The following PLXDC2 variants were observed in gnomAD, a reference collection of about 807,000 sequenced individuals.
PLXDC2 encodes the protein plexin domain containing 2, also known as plexin domain-containing protein 2.
A neutral mutation model predicts 68.9 loss-of-function variants in PLXDC2; 40 were observed. That is an observed-to-expected ratio of 0.58 (90% CI 0.45 to 0.76). The LOEUF (loss-of-function observed/expected upper bound fraction) is 0.76, where lower values mean the gene tolerates loss of function less well. Ranked by LOEUF, PLXDC2 falls within the 30% of genes least tolerant of loss-of-function variation. The pLI is 0.00. For missense variants in PLXDC2, 644 were observed against 661.9 expected (o/e 0.97, Z 0.30); for synonymous variants, 243 against 234.2 (o/e 1.04, Z -0.34).
At chr10:19,938,472 G>C (rs1833764481) in intron 1 of PLXDC2, among the ~76,000 whole-genome samples, 1 of 152,148 alleles carries the variant, frequency 6.6e-6, no homozygotes, top group Non-Finnish European at 1.5e-5. Flanking sequence ...AGTGGGAGCA[G>C]ACATCTTACA....
intron 13 of PLXDC2, among the ~76,000 whole-genome samples, chr10:20,249,701 G>T (rs1259737930): frequency 1.3e-5 from 2 of 152,148 alleles, no homozygotes; most frequent in Non-Finnish European, 2.9e-5. Context: ...TTTTTACCGT[G>T]TAAGGTAACA....
intron 1 of PLXDC2, among the ~76,000 whole-genome samples, chr10:19,940,859 G>A (rs908431166): frequency 1.7e-4 from 26 of 152,150 alleles, no homozygotes; most frequent in African/African-American, 6.3e-4. Context: ...CTATCTCTGA[G>A]CTGTGGGGTG....
intron 1 of PLXDC2, among the ~76,000 whole-genome samples, chr10:19,944,971 C>CA (rs1224975936): frequency 2.0e-5 from 3 of 151,878 alleles, no homozygotes; most frequent in African/African-American, 7.3e-5. Flanking sequence ...CAAAACAAAA[C>CA]AAAAAAAGAA....
chr10:20,100,909 C>G (rs10827965), intron 4 of PLXDC2, among the ~76,000 whole-genome samples: 94,458 of 151,706 alleles, frequency 0.62, 30,602 homozygotes, highest in East Asian at 1. Flanking sequence ...ATTAACAGCA[C>G]GTTGTGAATT....
At position 20,147,921 on chromosome 10, in the gene PLXDC2, AT is replaced by A. The variant is rs751393304; in HGVS notation, c.783+22del. 3 of 1,525,406 alleles carry A rather than the reference AT, an allele frequency of 2.0e-6. No homozygotes were observed. In the Admixed American group the frequency reaches 5.0e-5, roughly 26 times the overall value. The allele number at this position is 1,525,406 out of a possible 1,614,324, so 94.5% of individuals were successfully genotyped here. Reference sequence around the variant, plus strand: ...CAAAGAAGTAAGTGATGCGTTGATAATTTCTTTCCCTTCCCCTTGTTCTTGA... The same window carrying A: ...CAAAGAAGTAAGTGATGCGTTGATAATTCTTTCCCTTCCCCTTGTTCTTGA... On this transcript the variant is annotated intron_variant, in intron 6 of 13. Transcript: ENST00000377252.
chr10:19,884,788 T>C (rs2131354073), intron 1 of PLXDC2, among the ~76,000 whole-genome samples: 1 of 152,320 alleles, frequency 6.6e-6, no homozygotes, highest in South Asian at 2.1e-4. Context: ...GTCTTTGCTA[T>C]TGTGAATAGT....
intron 2 of PLXDC2, chr10:20,043,338 A>G (rs976294602): frequency 6.6e-6 from 1 of 152,194 alleles, no homozygotes; most frequent in Non-Finnish European, 1.5e-5. Flanking sequence ...GGTCTGATTT[A>G]AGAAAAACTG....
chr10:19,999,784 T>G (rs1834902797), intron 1 of PLXDC2, among the ~76,000 whole-genome samples: 1 of 152,208 alleles, frequency 6.6e-6, no homozygotes, highest in Non-Finnish European at 1.5e-5. Flanking sequence ...GATATATAAA[T>G]AAAGCAAGTA....
chr10:20,263,764 A>G (rs953474411), intron 13 of PLXDC2, among the ~76,000 whole-genome samples: 1 of 152,166 alleles, frequency 6.6e-6, no homozygotes, highest in African/African-American at 2.4e-5. Context: ...CAAAACAACA[A>G]TGAGATACCA....
intron 4 of PLXDC2, among the ~76,000 whole-genome samples, chr10:20,105,987 C>A (rs1833486372): frequency 6.6e-6 from 1 of 152,250 alleles, no homozygotes; most frequent in South Asian, 2.1e-4. Context: ...TCCATTAATT[C>A]CACATGTATA....
chr10:20,129,547 A>G (rs1833837893), intron 4 of PLXDC2, among the ~76,000 whole-genome samples: 1 of 151,574 alleles, frequency 6.6e-6, no homozygotes, highest in South Asian at 2.1e-4. Context: ...ATACACATAC[A>G]CATATATATG....
intron 4 of PLXDC2, chr10:20,070,919 T>A (rs1466738344): frequency 1.3e-5 from 2 of 151,970 alleles, no homozygotes; most frequent in Admixed American, 1.3e-4. Flanking sequence ...GATAGCTACA[T>A]CATCCTTGCG....
intron 1 of PLXDC2, among the ~76,000 whole-genome samples, chr10:19,988,925 A>T (rs1275981600): frequency 6.6e-6 from 1 of 151,398 alleles, no homozygotes; most frequent in East Asian, 1.9e-4. Flanking sequence ...CCTCCCAAGT[A>T]GCTGGGATTA....
intron 1 of PLXDC2, among the ~76,000 whole-genome samples, chr10:19,861,009 ATT>A (rs11348327): frequency 0.027 from 3,920 of 143,470 alleles, 174 homozygotes; most frequent in African/African-American, 0.088. Context: ...TTGCTGGGTG[ATT>A]TTTTTTTTTT....
intron 12 of PLXDC2, among the ~76,000 whole-genome samples, chr10:20,241,024 C>G (rs1835508952): frequency 6.6e-6 from 1 of 152,018 alleles, no homozygotes; most frequent in Admixed American, 6.6e-5. Flanking sequence ...AATCGTCATC[C>G]AAAAATGTTA....
chr10:20,231,763 C>A (rs1299188041), intron 12 of PLXDC2, among the ~76,000 whole-genome samples: 2 of 151,912 alleles, frequency 1.3e-5, no homozygotes, highest in Non-Finnish European at 2.9e-5. Context: ...TGCCTGTAAT[C>A]CTAGCGCTTT....
Position 20,153,407 on chromosome 10 carries a change from G to A in PLXDC2, c.783+5505G>A, listed in dbSNP as rs117521240. Among the ~76,000 whole-genome samples, 1,302 of 152,298 alleles carry A rather than the reference G, an allele frequency of 8.5e-3. 8 individuals carry two copies. The highest frequency in any genetic ancestry group is 0.024 in the Middle Eastern group (7 of 294). On this transcript the variant is annotated intron_variant, in intron 6 of 13. Transcript: ENST00000377252. Reference sequence around the variant, plus strand: ...ATGGGAAAAGTGTTGTTGGGTTTACGTCTGCATTTTCCTTTCTTTGGGATT... The same window carrying A: ...ATGGGAAAAGTGTTGTTGGGTTTACATCTGCATTTTCCTTTCTTTGGGATT...
chr10:19,823,016 C>T (rs1182755039), intron 1 of PLXDC2, among the ~76,000 whole-genome samples: 1 of 151,736 alleles, frequency 6.6e-6, no homozygotes, highest in South Asian at 2.1e-4. Context: ...CCCAGGTTCA[C>T]GCCATTCTCC....
chr10:20,044,293 C>CT (rs1412550830), intron 2 of PLXDC2, among the ~76,000 whole-genome samples: 10 of 67,182 alleles, frequency 1.5e-4, no homozygotes, highest in African/African-American at 3.3e-4. Context: ...TTCTTTCTTT[C>CT]TTCTTTCTCT....
Sources: gnomAD v4.1 joint callset for allele counts (sites outside exome capture counted in the v4.1 genomes callset) on GRCh38, gnomAD v4.1.1 for gene constraint, MANE v1.5 for transcripts, NCBI Gene and HGNC (gene_info 2026-07-23, HGNC 2026-07-21) for gene names.